ABLIM3: variants seen among roughly 807,000 people sequenced by gnomAD.
ABLIM3 encodes actin-binding LIM protein 3.
A neutral mutation model predicts 109.5 loss-of-function variants in ABLIM3; 61 were observed. The observed-to-expected ratio is 0.56, with a 90% CI of 0.45 to 0.69. The LOEUF is 0.69. Ranked by LOEUF, ABLIM3 falls within the 30% of genes least tolerant of loss-of-function variation. The pLI is 0.00. For missense variants in ABLIM3, 796 were observed against 889.5 expected (o/e 0.89, Z 1.34); for synonymous variants, 300 against 324.8 (o/e 0.92, Z 0.82).
intron 3 of ABLIM3, among the ~76,000 whole-genome samples, chr5:149,196,502 T>C (rs10054945): frequency 0.11 from 17,279 of 152,226 alleles, 2,174 homozygotes; most frequent in African/African-American, 0.31. Context: ...TCAATGTGGA[T>C]GAGAGGTGTG....
intron 10 of ABLIM3, among the ~76,000 whole-genome samples, chr5:149,234,103 G>A (rs1164723943): frequency 6.6e-6 from 1 of 152,170 alleles, no homozygotes; most frequent in Non-Finnish European, 1.5e-5. Context: ...ATCAATTGCA[G>A]TTATAAATTC....
chr5:149,174,712 T>C (rs1238878889), intron 2 of ABLIM3: 2 of 152,186 alleles, frequency 1.3e-5, no homozygotes, highest in South Asian at 2.1e-4. Flanking sequence ...GAGGCCTTGA[T>C]GGAACACCCT....
chr5:149,153,344 T>A (rs1030871827), intron 2 of ABLIM3, among the ~76,000 whole-genome samples: 1 of 152,156 alleles, frequency 6.6e-6, no homozygotes, highest in Admixed American at 6.5e-5. Flanking sequence ...TGTCACCACA[T>A]CTGGTCATTT....
At chr5:149,207,414 C>G (rs777600059) in intron 6 of ABLIM3, among the ~76,000 whole-genome samples, 1 of 152,302 alleles carries the variant, frequency 6.6e-6, no homozygotes, top group African/African-American at 2.4e-5. Context: ...GGCCGTCTCT[C>G]ATTTACTGCC....
intron 2 of ABLIM3, among the ~76,000 whole-genome samples, chr5:149,166,493 G>A (rs940350618): frequency 7.2e-5 from 11 of 152,170 alleles, no homozygotes; most frequent in Non-Finnish European, 1.5e-4. Context: ...TCCAAAATGG[G>A]TAAGTGACTT....
chr5:149,245,984 ACTT>A (rs1252435205), intron 16 of ABLIM3, among the ~76,000 whole-genome samples: 6 of 152,048 alleles, frequency 3.9e-5, no homozygotes, highest in Admixed American at 3.3e-4. Context: ...ACAACATAGC[ACTT>A]CTTCTCTACA....
At chr5:149,254,600 G>A (rs760839260) in intron 23 of ABLIM3, among the ~76,000 whole-genome samples, 10 of 152,176 alleles carry the variant, frequency 6.6e-5, no homozygotes, top group Non-Finnish European at 8.8e-5. Flanking sequence ...GGGAATGTAC[G>A]TTAGCCAGGA....
intron 8 of ABLIM3, chr5:149,220,560 A>AGT (rs1308300251): frequency 6.6e-6 from 1 of 152,032 alleles, no homozygotes; most frequent in South Asian, 2.1e-4. Context: ...TTGGGCTGTG[A>AGT]GTGTCTTGTG....
intron 9 of ABLIM3, among the ~76,000 whole-genome samples, 193 bp downstream of exon 9, chr5:149,230,900 A>G (rs535072984): frequency 2.0e-5 from 3 of 152,306 alleles, no homozygotes; most frequent in Admixed American, 6.5e-5. Context: ...GACATCGGAT[A>G]TGAAAGCACT....
chr5:149,242,348 G>A, intron 14 of ABLIM3, 143 bp from the exon 15 acceptor site: 1 of 749,422 alleles, frequency 1.3e-6, no homozygotes, highest in Non-Finnish European at 2.3e-6. Context: ...GTCACCAGGG[G>A]AAAAAGATGG....
chr5:149,182,860 T>C (rs1756585192), intron 2 of ABLIM3, among the ~76,000 whole-genome samples: 1 of 152,218 alleles, frequency 6.6e-6, no homozygotes, highest in Non-Finnish European at 1.5e-5. Context: ...CAAAGGTAGC[T>C]TTGAGATAAG....
At chr5:149,153,144 A>G (rs1209099959) in intron 2 of ABLIM3, among the ~76,000 whole-genome samples, 1 of 152,174 alleles carries the variant, frequency 6.6e-6, no homozygotes, top group East Asian at 1.9e-4. Context: ...TAAGATGGCT[A>G]CTAGAATATT....
chr5:149,156,215 G>A (rs879279300), intron 2 of ABLIM3, among the ~76,000 whole-genome samples: 4 of 152,228 alleles, frequency 2.6e-5, no homozygotes, highest in South Asian at 2.1e-4. Flanking sequence ...AGGCTAGATC[G>A]TATATTTGAT....
intron 8 of ABLIM3, chr5:149,220,776 T>G (rs1209662257): frequency 6.6e-6 from 1 of 152,248 alleles, no homozygotes; most frequent in Non-Finnish European, 1.5e-5. Flanking sequence ...AGTGGCTTCC[T>G]TCTCTGGATC....
At chr5:149,239,366 A>T in intron 12 of ABLIM3, 89 bp downstream of exon 12, 2 of 1,421,424 alleles carry the variant, frequency 1.4e-6, no homozygotes, top group Non-Finnish European at 2.0e-6. Flanking sequence ...AAGGTGTCTG[A>T]GCCCTTGCCC....
chr5:149,188,068 G>A (rs1459745246), intron 3 of ABLIM3, among the ~76,000 whole-genome samples: 5 of 152,096 alleles, frequency 3.3e-5, no homozygotes, highest in South Asian at 4.1e-4. Flanking sequence ...TTGCAGCACC[G>A]AAATTTTATA....
chr5:149,196,250 C>G (rs1757966345), intron 3 of ABLIM3, among the ~76,000 whole-genome samples: 1 of 152,234 alleles, frequency 6.6e-6, no homozygotes, highest in Admixed American at 6.5e-5. Context: ...TGAAATATTT[C>G]TGGCATTCAC....
chr5:149,150,647 G>A (rs1753347227), intron 2 of ABLIM3, among the ~76,000 whole-genome samples: 2 of 152,148 alleles, frequency 1.3e-5, no homozygotes, highest in African/African-American at 4.8e-5. Context: ...TGTGGTGAAC[G>A]GTCAACAACT....
intron 3 of ABLIM3, among the ~76,000 whole-genome samples, chr5:149,190,682 A>T (rs2127485474): frequency 6.6e-6 from 1 of 152,330 alleles, no homozygotes; most frequent in East Asian, 1.9e-4. Context: ...CCTGTCTCAA[A>T]ACAAAACAAA....
Sources: gnomAD v4.1 joint callset for allele counts (sites outside exome capture counted in the v4.1 genomes callset) on GRCh38, gnomAD v4.1.1 for gene constraint, MANE v1.5 for transcripts, NCBI Gene and HGNC (gene_info 2026-07-23, HGNC 2026-07-21) for gene names.